The following CTNNA1 variants were observed in gnomAD, a reference collection of about 807,000 sequenced individuals.
The protein encoded by CTNNA1 is catenin alpha 1, also known as catenin alpha-1.
In CTNNA1, 37 loss-of-function variants were observed where a neutral mutation model predicts 98.4. The ratio of observed to expected loss-of-function variants is 0.38; its 90% CI spans 0.29 to 0.49. The LOEUF (loss-of-function observed/expected upper bound fraction) is 0.49, where lower values mean the gene tolerates loss of function less well. Ranked by LOEUF, CTNNA1 falls within the 20% of genes least tolerant of loss-of-function variation. The probability of loss-of-function intolerance (pLI) is 0.95; values close to 1 mark genes in which losing one functional copy is unlikely to be tolerated. For missense variants in CTNNA1, 761 were observed against 1,147.2 expected (o/e 0.66, Z 4.86); for synonymous variants, 404 against 413.2 (o/e 0.98, Z 0.27).
intron 3 of CTNNA1, among the ~76,000 whole-genome samples, chr5:138,784,302 G>A (rs899650383): frequency 6.6e-6 from 1 of 152,090 alleles, no homozygotes; most frequent in Non-Finnish European, 1.5e-5. Flanking sequence ...AAGGTAAATC[G>A]AGCCCTGCTA....
chr5:138,915,237 C>T (rs1045972295), intron 10 of CTNNA1, among the ~76,000 whole-genome samples: 15 of 152,216 alleles, frequency 9.9e-5, no homozygotes, highest in Admixed American at 8.5e-4. Flanking sequence ...CCTCTCAGCG[C>T]ATTTTCATAC....
chr5:138,811,052 C>T (rs1234041697), intron 4 of CTNNA1, among the ~76,000 whole-genome samples: 21 of 152,148 alleles, frequency 1.4e-4, no homozygotes, highest in African/African-American at 3.6e-4. Flanking sequence ...GGGTGGCTGC[C>T]GGGCGGAGAC....
intron 3 of CTNNA1, among the ~76,000 whole-genome samples, chr5:138,793,665 C>T (rs1427681128): frequency 6.6e-6 from 1 of 152,136 alleles, no homozygotes; most frequent in Admixed American, 6.5e-5. Context: ...ATGATTTCTA[C>T]TAGTTAATTT....
intron 16 of CTNNA1, 140 bp downstream of exon 16, chr5:138,931,075 A>G: frequency 1.6e-6 from 1 of 640,924 alleles, no homozygotes; most frequent in South Asian, 1.8e-5. Context: ...TAATCCCAGC[A>G]TAGATTTGTA....
At position 138,873,904 on chromosome 5, in the gene CTNNA1, C is replaced by T. The variant is rs1481116327; in HGVS notation, c.1063-12308C>T. ...GCCGTAGGAAATGAGCAAAATTAAT[C>T]TTCGTCAGCTGGTTGTGCTCTAGGT... On this transcript the variant is annotated intron_variant, in intron 7 of 17. Coordinates refer to ENST00000302763, the MANE Select transcript of CTNNA1 (RefSeq NM_001903.5). This position sits in a 1 kb window ranked among gnomAD's most constrained non-coding sequence, Gnocchi z 6.1. 4 of 1,614,002 alleles carry T rather than the reference C, an allele frequency of 2.5e-6. No homozygotes were observed. Among genetic ancestry groups the T allele is most frequent in the Non-Finnish European group, 2.5e-6 (3 of 1,179,900 alleles).
chr5:138,768,571 T>G (rs1753190331), intron 1 of CTNNA1, among the ~76,000 whole-genome samples: 1 of 146,712 alleles, frequency 6.8e-6, no homozygotes, highest in Admixed American at 6.8e-5. Flanking sequence ...TTTTTTTTTT[T>G]TTTTTTTTTT....
chr5:138,886,654 GC>G (rs2150026646), intron 8 of CTNNA1, among the ~76,000 whole-genome samples: 1 of 152,234 alleles, frequency 6.6e-6, no homozygotes, highest in African/African-American at 2.4e-5. Flanking sequence ...TATCTGACTT[GC>G]CCTATACTCA....
At chr5:138,805,066 G>C (rs1757947451) in intron 3 of CTNNA1, among the ~76,000 whole-genome samples, 1 of 152,092 alleles carries the variant, frequency 6.6e-6, no homozygotes, top group Non-Finnish European at 1.5e-5. Flanking sequence ...AGCAAGAGAG[G>C]GGGTGGGAGA....
chr5:138,792,222 A>G (rs1756460091), intron 3 of CTNNA1, among the ~76,000 whole-genome samples: 1 of 152,228 alleles, frequency 6.6e-6, no homozygotes, highest in Non-Finnish European at 1.5e-5. Flanking sequence ...GTATATATAC[A>G]TAGTTCACTG....
intron 9 of CTNNA1, 133 bp downstream of exon 9, chr5:138,887,775 C>T: frequency 1.4e-6 from 1 of 715,250 alleles, no homozygotes; most frequent in Admixed American, 2.8e-5. Context: ...GATAGTCTTT[C>T]ATTATCACTT....
At position 138,874,469 on chromosome 5, in the gene CTNNA1, C is replaced by A; in HGVS notation, c.1063-11743C>A. Reference sequence around the variant, plus strand: ...GCGGCATTTGGGTGGACACGCCATACCCAGGGCAGGCAGCATTTTTAAAAC... The same window carrying A: ...GCGGCATTTGGGTGGACACGCCATAACCAGGGCAGGCAGCATTTTTAAAAC... On this transcript the variant is annotated intron_variant, in intron 7 of 17. Coordinates refer to ENST00000302763, the MANE Select transcript of CTNNA1 (RefSeq NM_001903.5). This position sits in a 1 kb window ranked among gnomAD's most constrained non-coding sequence, Gnocchi z 4.1. 6.2e-7 allele frequency: 1 copy of A among 1,613,188 alleles called. No homozygotes were observed. Among genetic ancestry groups the A allele is most frequent in the Non-Finnish European group, 8.5e-7 (1 of 1,179,562 alleles).
intron 7 of CTNNA1, among the ~76,000 whole-genome samples, chr5:138,830,441 C>T (rs1259273085): frequency 2.0e-5 from 3 of 152,202 alleles, no homozygotes; most frequent in Non-Finnish European, 4.4e-5. Flanking sequence ...GGGTATGTTT[C>T]TCCTAAAGGT....
At chr5:138,764,250 C>T (rs746531026) in intron 1 of CTNNA1, among the ~76,000 whole-genome samples, 3 of 151,836 alleles carry the variant, frequency 2.0e-5, no homozygotes, top group Non-Finnish European at 4.4e-5. Flanking sequence ...CCTGTAATCC[C>T]AGTTACTCGG....
intron 6 of CTNNA1, among the ~76,000 whole-genome samples, chr5:138,825,916 G>T (rs147805039): frequency 4.5e-4 from 68 of 152,162 alleles, no homozygotes; most frequent in African/African-American, 1.6e-3. Context: ...GCAGTATTAG[G>T]TATCTTTCAG....
At chr5:138,797,199 C>CT (rs762123991) in intron 3 of CTNNA1, among the ~76,000 whole-genome samples, 1 of 152,052 alleles carries the variant, frequency 6.6e-6, no homozygotes, top group Non-Finnish European at 1.5e-5. Flanking sequence ...TACACACAAA[C>CT]TAAAGATATT....
chr5:138,770,694 T>G (rs531282885), intron 1 of CTNNA1, among the ~76,000 whole-genome samples: 3 of 152,306 alleles, frequency 2.0e-5, no homozygotes, highest in Admixed American at 6.5e-5. Context: ...GGCTCATGCC[T>G]TTAATCCCAG....
chr5:138,784,554 G>A (rs1243500844), intron 3 of CTNNA1, among the ~76,000 whole-genome samples: 2 of 152,174 alleles, frequency 1.3e-5, no homozygotes, highest in Non-Finnish European at 2.9e-5. Flanking sequence ...TGAAAATGAT[G>A]AAATTATTAG....
At chr5:138,814,449 G>A (rs1230124479) in intron 5 of CTNNA1, among the ~76,000 whole-genome samples, 1 of 151,994 alleles carries the variant, frequency 6.6e-6, no homozygotes, top group Non-Finnish European at 1.5e-5. Flanking sequence ...TTTTCTTTTT[G>A]CTGGAGCTAA....
chr5:138,776,384 A>C (rs1211177334), intron 1 of CTNNA1, among the ~76,000 whole-genome samples: 11 of 152,294 alleles, frequency 7.2e-5, no homozygotes, highest in East Asian at 1.9e-4. Context: ...CAACAGGATC[A>C]CAAGGCAGAA....
Sources: allele counts gnomAD v4.1 joint callset (sites outside exome capture counted in the v4.1 genomes callset), GRCh38; gene constraint gnomAD v4.1.1; non-coding constraint Gnocchi (gnomAD v3.1); transcripts MANE v1.5; gene names NCBI Gene and HGNC (gene_info 2026-07-23, HGNC 2026-07-21).